The following BLK variants were observed in gnomAD, a reference collection of about 807,000 sequenced individuals.
The protein encoded by BLK is tyrosine-protein kinase Blk.
BLK carries 64 observed loss-of-function variants against 61.8 expected under a neutral mutation model. The observed-to-expected ratio is 1.03, with a 90% CI of 0.85 to 1.27. BLK has a LOEUF of 1.27. Among genes scored for constraint, BLK ranks in the 50% most tolerant of loss-of-function variants. The pLI is 0.00. For synonymous variants in BLK, 351 were observed against 272.0 expected (o/e 1.29, Z -2.86); for missense variants, 853 against 660.5 (o/e 1.29, Z -3.19).
intron 1 of BLK, among the ~76,000 whole-genome samples, chr8:11,537,651 A>T (rs1585378561): frequency 6.6e-6 from 1 of 152,178 alleles, no homozygotes; most frequent in East Asian, 1.9e-4. Flanking sequence ...CTTCAGCATG[A>T]CCTTACCAAG....
chr8:11,548,269 T>C, intron 4 of BLK, 144 bp downstream of exon 4: 1 of 690,716 alleles, frequency 1.4e-6, no homozygotes, highest in Non-Finnish European at 2.5e-6. Flanking sequence ...AGCATTTTCT[T>C]GAACTTGGCC....
chr8:11,548,218 C>T (rs527784763), intron 4 of BLK, 93 bp downstream of exon 4: 1 of 1,136,274 alleles, frequency 8.8e-7, no homozygotes, highest in South Asian at 1.3e-5. Context: ...ATGGCTGACC[C>T]TGGAAGTCTT....
intron 11 of BLK, among the ~76,000 whole-genome samples, chr8:11,562,586 G>A (rs1322465869): frequency 1.3e-5 from 2 of 152,192 alleles, no homozygotes; most frequent in South Asian, 2.1e-4. Context: ...AGGGACTAAC[G>A]GAGGCGCCCG....
chr8:11,555,835 A>G (rs1250281088), intron 8 of BLK: 4 of 376,698 alleles, frequency 1.1e-5, no homozygotes, highest in African/African-American at 2.1e-5. Flanking sequence ...CAGGAGGTTA[A>G]ACGTGATGAG....
At chr8:11,557,834 C>A (rs568662135) in intron 9 of BLK, 128 bp from the exon 10 acceptor site, 1 of 764,756 alleles carries the variant, frequency 1.3e-6, no homozygotes, top group Non-Finnish European at 2.3e-6. Flanking sequence ...TCCTGATGCA[C>A]CGAGAGATCT....
intron 5 of BLK, 123 bp from the exon 6 acceptor site, chr8:11,550,036 G>A (rs1312058095): frequency 5.7e-6 from 5 of 883,516 alleles, no homozygotes; most frequent in African/African-American, 1.6e-5. Flanking sequence ...GCTCAGGGCC[G>A]ACTGGGACCA....
At chr8:11,561,728 C>T (rs1801513859) in intron 11 of BLK, among the ~76,000 whole-genome samples, 2 of 152,134 alleles carry the variant, frequency 1.3e-5, no homozygotes, top group Admixed American at 1.3e-4. Context: ...TCCCAGTGCA[C>T]ATCAACATAT....
intron 1 of BLK, among the ~76,000 whole-genome samples, chr8:11,531,411 G>T (rs559327490): frequency 6.6e-6 from 1 of 152,098 alleles, no homozygotes; most frequent in Non-Finnish European, 1.5e-5. Flanking sequence ...GTATGCTTCT[G>T]ACTCATATTC....
chr8:11,519,467 C>G (rs1383721135), intron 1 of BLK, among the ~76,000 whole-genome samples: 2 of 152,146 alleles, frequency 1.3e-5, no homozygotes, highest in East Asian at 3.8e-4. Flanking sequence ...CATACATCCA[C>G]ATGTAGTAGG....
intron 1 of BLK, among the ~76,000 whole-genome samples, chr8:11,522,014 G>A (rs1270100196): frequency 6.6e-6 from 1 of 152,204 alleles, no homozygotes; most frequent in African/African-American, 2.4e-5. Flanking sequence ...AATTTGGAGA[G>A]AATATGCCTC....
In BLK at chr8:11,561,588, A is replaced by C. The variant is rs968970462; in HGVS notation, c.1180+136A>C. The C allele has an allele frequency of 1.2e-5, 15 of 1,206,190 alleles. No individual in the cohort carries two copies. The Admixed American group carries it at 3.0e-4, about 24-fold the overall frequency. 74.7% of individuals were successfully genotyped at this position (1,206,190 alleles called of 1,614,324 possible). A position where few individuals can be genotyped will look rare whatever the true frequency, so the allele number is the denominator to read the frequency against. ...TATACGGTTTCTACAGCTCTAGATCAGCATTTCCTTCATTTACCCAAATGT... is the reference window on the plus strand; with the variant it reads ...TATACGGTTTCTACAGCTCTAGATCCGCATTTCCTTCATTTACCCAAATGT... On this transcript the variant is annotated intron_variant, in intron 11 of 12. Coordinates refer to ENST00000259089, the MANE Select transcript of BLK (RefSeq NM_001715.3).
At chr8:11,562,407 G>C (rs1396708672) in intron 11 of BLK, among the ~76,000 whole-genome samples, 1 of 152,202 alleles carries the variant, frequency 6.6e-6, no homozygotes, top group Non-Finnish European at 1.5e-5. Context: ...TGGCTGGGGA[G>C]ACCGAGAAAT....
At position 11,514,431 on chromosome 8, in the gene BLK, C is replaced by T. The variant is rs572789026; in HGVS notation, c.-2+19840C>T. ...GGCAAGAGCCCCGCAATGGCCTCCC[C>T]GAGGGATCTGAGGCCCAGCAGGCCA... On this transcript the variant is annotated intron_variant, in intron 1 of 12. Transcript: ENST00000259089. Among the ~76,000 whole-genome samples, 16 of 152,300 alleles carry T rather than the reference C, an allele frequency of 1.1e-4. 1 individual carries two copies. Among genetic ancestry groups the T allele is most frequent in the South Asian group, 8.3e-4 (4 of 4,824 alleles).
At chr8:11,533,590 G>A (rs567543844) in intron 1 of BLK, among the ~76,000 whole-genome samples, 1 of 138,074 alleles carries the variant, frequency 7.2e-6, no homozygotes, top group African/African-American at 2.6e-5. Flanking sequence ...GCCGGAGGAG[G>A]AGGAGGAGGA....
chr8:11,537,396 T>C (rs1800177830), intron 1 of BLK, among the ~76,000 whole-genome samples: 1 of 152,188 alleles, frequency 6.6e-6, no homozygotes. Context: ...CTGTTCTACC[T>C]GGATGCTACC....
chr8:11,508,709 C>T (rs1332920094), intron 1 of BLK, among the ~76,000 whole-genome samples: 1 of 152,208 alleles, frequency 6.6e-6, no homozygotes, highest in Non-Finnish European at 1.5e-5. Context: ...TGCTGGGCCT[C>T]GGGCGGCAGA....
intron 1 of BLK, among the ~76,000 whole-genome samples, chr8:11,522,014 G>T (rs1270100196): frequency 1.3e-5 from 2 of 152,204 alleles, no homozygotes; most frequent in Admixed American, 6.5e-5. Context: ...AATTTGGAGA[G>T]AATATGCCTC....
intron 3 of BLK, among the ~76,000 whole-genome samples, chr8:11,546,735 C>T (rs569321666): frequency 1.0e-3 from 157 of 152,310 alleles, no homozygotes; most frequent in African/African-American, 3.3e-3. Flanking sequence ...ACAACCACAC[C>T]GGGCTAATTT....
chr8:11,536,769 C>A (rs1248253839), intron 1 of BLK, among the ~76,000 whole-genome samples: 1 of 152,204 alleles, frequency 6.6e-6, no homozygotes, highest in Non-Finnish European at 1.5e-5. Context: ...CTAAAAAAAT[C>A]TGTTGTAGCC....
Sources: allele counts gnomAD v4.1 joint callset (sites outside exome capture counted in the v4.1 genomes callset), GRCh38; gene constraint gnomAD v4.1.1; transcripts MANE v1.5; gene names NCBI Gene and HGNC (gene_info 2026-07-23, HGNC 2026-07-21).